Variants in ARHGEF9 observed in about 807,000 individuals in gnomAD.
The protein encoded by ARHGEF9 is rho guanine nucleotide exchange factor 9.
ARHGEF9 carries 2 observed loss-of-function variants against 41.3 expected under a neutral mutation model. That is an observed-to-expected ratio of 0.05 (90% CI 0.02 to 0.15). The LOEUF (loss-of-function observed/expected upper bound fraction) is 0.15, where lower values mean the gene tolerates loss of function less well. Among genes scored for constraint, ARHGEF9 ranks in the 10% least tolerant of loss-of-function variants. The pLI is 1.00. For missense variants in ARHGEF9, 225 were observed against 424.7 expected (o/e 0.53, Z 4.13); for synonymous variants, 160 against 154.4 (o/e 1.04, Z -0.27).
chrX:63,762,012 G>C (rs2056041891), intron 1 of ARHGEF9, among the ~76,000 whole-genome samples: 1 of 111,521 alleles, frequency 9.0e-6, no homozygotes, highest in South Asian at 3.8e-4. Flanking sequence ...TCTTTCTGGG[G>C]TAGCTAAAGT....
intron 1 of ARHGEF9, chrX:63,767,545 A>C (rs60535582): frequency 0.033 from 7,423 of 221,752 alleles, 576 homozygotes; most frequent in African/African-American, 0.2. Flanking sequence ...TAAGATGAAG[A>C]AGCCTGGGAA....
rs558066815 is a variant in ARHGEF9 at position 63,636,974 on chromosome X, G to A, written c.*1054C>T. 4.9e-4 allele frequency: 146 copies of A among 295,512 alleles called. 2 individuals carry two copies. In the Admixed American group the frequency reaches 8.1e-3, roughly 16 times the overall value. 24.4% of individuals were successfully genotyped at this position (295,512 alleles called of 1,213,427 possible). The stretch of plus-strand genomic sequence containing the variant: ...TGAACTGATTGCTGTAGAGATCACT[G>A]CCCTAAACCTATCTGGTACTAGGGG... On this transcript the variant is annotated 3_prime_UTR_variant, in exon 10 of 10. Transcript: ENST00000671741.
intron 3 of ARHGEF9, among the ~76,000 whole-genome samples, chrX:63,705,374 T>C (rs782471737): frequency 0.017 from 1,789 of 107,703 alleles, 47 homozygotes; most frequent in African/African-American, 0.058. Context: ...TGTGTGTGTG[T>C]GTGTGTGTGT....
chrX:63,642,600 A>G (rs1311132058), intron 9 of ARHGEF9: 2 of 111,987 alleles, frequency 1.8e-5, no homozygotes, highest in Admixed American at 1.9e-4. Flanking sequence ...GCACTGCTTA[A>G]CTGGAAATCA....
intron 4 of ARHGEF9, among the ~76,000 whole-genome samples, chrX:63,695,473 T>A (rs781862360): frequency 8.9e-6 from 1 of 111,877 alleles, no homozygotes; most frequent in Non-Finnish European, 1.9e-5. Flanking sequence ...TGCTCCCTTG[T>A]GGACTTCTGT....
At chrX:63,749,951 C>T (rs1406499332) in intron 1 of ARHGEF9, among the ~76,000 whole-genome samples, 1 of 111,936 alleles carries the variant, frequency 8.9e-6, no homozygotes, top group Non-Finnish European at 1.9e-5. Flanking sequence ...GAAGCTAAAC[C>T]TTCATCAAGG....
chrX:63,709,167 A>G (rs1444573390), intron 2 of ARHGEF9: 2 of 112,355 alleles, frequency 1.8e-5, no homozygotes, highest in Non-Finnish European at 1.9e-5. Context: ...ATTAGCACAT[A>G]TAGATGCCTG....
intron 4 of ARHGEF9, among the ~76,000 whole-genome samples, chrX:63,683,768 G>A (rs781990118): frequency 9.0e-6 from 1 of 111,515 alleles, no homozygotes; most frequent in African/African-American, 3.3e-5. Context: ...TTCAATAAAT[G>A]TTGTTGGAAA....
In ARHGEF9 at chrX:63,674,207, G is replaced by A; in HGVS notation, c.816-40C>T. The A allele has an allele frequency of 2.5e-6, 3 of 1,200,278 alleles. No individual in the cohort carries two copies. In the South Asian group the frequency reaches 5.3e-5, roughly 21 times the overall value. On this transcript the variant is annotated intron_variant, in intron 5 of 9. Coordinates refer to ENST00000671741, the MANE Select transcript of ARHGEF9 (RefSeq NM_001353921.2). ...GAGTGCAAGTTGAACCAACCAATGTGCCAAAGAACCAATGTGCTAGGTGCC... is the reference window on the plus strand; with the variant it reads ...GAGTGCAAGTTGAACCAACCAATGTACCAAAGAACCAATGTGCTAGGTGCC...
At chrX:63,781,890 T>C (rs1471049064) in intron 1 of ARHGEF9, among the ~76,000 whole-genome samples, 11 of 112,039 alleles carry the variant, frequency 9.8e-5, no homozygotes, top group Non-Finnish European at 1.9e-4. Context: ...ACCAGTTGTG[T>C]TCTTTCTGGA....
At chrX:63,727,868 G>A (rs1361070158) in intron 1 of ARHGEF9, among the ~76,000 whole-genome samples, 1 of 112,134 alleles carries the variant, frequency 8.9e-6, no homozygotes, top group Non-Finnish European at 1.9e-5. Context: ...ATAATTTGCA[G>A]TTCACACAGC....
chrX:63,643,360 CTTT>C (rs548964367), intron 9 of ARHGEF9, among the ~76,000 whole-genome samples: 1 of 98,232 alleles, frequency 1.0e-5, no homozygotes, highest in Non-Finnish European at 2.1e-5. Context: ...TATCTTTATA[CTTT>C]TTTTTTTTTT....
At chrX:63,723,613 C>T (rs1465271574) in intron 2 of ARHGEF9, among the ~76,000 whole-genome samples, 3 of 112,124 alleles carry the variant, frequency 2.7e-5, no homozygotes, top group Non-Finnish European at 5.6e-5. Flanking sequence ...CATGCCCTGG[C>T]ATTAAAGAAC....
intron 6 of ARHGEF9, among the ~76,000 whole-genome samples, chrX:63,672,224 C>T (rs1259629669): frequency 5.4e-5 from 6 of 110,991 alleles, no homozygotes; most frequent in African/African-American, 1.6e-4. Context: ...ACTGAATCTA[C>T]TGGTTCCTTG....
chrX:63,723,197 C>T (rs1427410500), intron 2 of ARHGEF9, among the ~76,000 whole-genome samples: 2 of 111,260 alleles, frequency 1.8e-5, no homozygotes, highest in African/African-American at 6.5e-5. Context: ...TAGCACTGTG[C>T]TAGACACCTT....
intron 1 of ARHGEF9, among the ~76,000 whole-genome samples, chrX:63,760,445 T>G: frequency 9.0e-6 from 1 of 111,506 alleles, no homozygotes; most frequent in East Asian, 2.8e-4. Flanking sequence ...CCAAAATCAG[T>G]TCAATTCAAT....
intron 3 of ARHGEF9, chrX:63,701,677 G>A (rs2052191753): frequency 8.9e-6 from 1 of 111,819 alleles, no homozygotes; most frequent in Admixed American, 9.5e-5. Flanking sequence ...TCAAAAACAA[G>A]AGAATAAAGA....
chrX:63,771,609 C>T (rs1285605858), intron 1 of ARHGEF9, among the ~76,000 whole-genome samples: 17 of 110,580 alleles, frequency 1.5e-4, no homozygotes, highest in African/African-American at 5.3e-4. Flanking sequence ...TTCCATCATC[C>T]AGGCTGGAGT....
intron 1 of ARHGEF9, among the ~76,000 whole-genome samples, chrX:63,732,984 C>T (rs1299176955): frequency 1.8e-5 from 2 of 111,724 alleles, no homozygotes; most frequent in African/African-American, 6.5e-5. Flanking sequence ...TCTCTCTCTG[C>T]CTCTTTCAGT....
Sources: allele counts gnomAD v4.1 joint callset (sites outside exome capture counted in the v4.1 genomes callset), GRCh38; gene constraint gnomAD v4.1.1; transcripts MANE v1.5; gene names NCBI Gene and HGNC (gene_info 2026-07-23, HGNC 2026-07-21).